Variants in KCNQ3 observed in about 807,000 individuals in gnomAD.
KCNQ3 encodes potassium voltage-gated channel subfamily KQT member 3.
In KCNQ3, 30 loss-of-function variants were observed where a neutral mutation model predicts 92.5. That is an observed-to-expected ratio of 0.32 (90% CI 0.24 to 0.44). The LOEUF (loss-of-function observed/expected upper bound fraction) is 0.44. Ranked by LOEUF, KCNQ3 falls within the 20% of genes least tolerant of loss-of-function variation. The pLI, the probability that KCNQ3 is intolerant of heterozygous loss-of-function variation, is 1.00. For synonymous variants in KCNQ3, 450 were observed against 468.8 expected (o/e 0.96, Z 0.52); for missense variants, 913 against 1,140.3 (o/e 0.80, Z 2.87).
In KCNQ3 at chr8:132,447,530, AAAG is replaced by A. The variant is rs757378700; in HGVS notation, c.386+32614_386+32616del. Reference sequence around the variant, plus strand: ...AAGAAAAGTAATGGAGATTAAAGAAAAAGAAGGAGCAGAGTAGCGGGTGAGCTG... The same window carrying A: ...AAGAAAAGTAATGGAGATTAAAGAAAAAGGAGCAGAGTAGCGGGTGAGCTG... On this transcript the variant is annotated intron_variant, in intron 1 of 14. Coordinates refer to ENST00000388996, the MANE Select transcript of KCNQ3 (RefSeq NM_004519.4). Among the ~76,000 whole-genome samples, 11 of 152,238 alleles carry A rather than the reference AAAG, an allele frequency of 7.2e-5. No individual in the cohort carries two copies. In the East Asian group the frequency reaches 7.7e-4, roughly 11 times the overall value.
Position 132,420,865 on chromosome 8 carries a change from G to A in KCNQ3, c.386+59282C>T, listed in dbSNP as rs528506418. ...AGAGGGCCCCTGGGTTTCTCTCCTC[G>A]ACCTCGGTCACTCCAGCTCCCAGAC... On this transcript the variant is annotated intron_variant, in intron 1 of 14. Coordinates refer to ENST00000388996, the MANE Select transcript of KCNQ3 (RefSeq NM_004519.4). 3.9e-3 allele frequency among the ~76,000 whole-genome samples: 590 copies of A among 152,180 alleles called. 5 individuals are homozygous for A. Among genetic ancestry groups the A allele is most frequent in the Non-Finnish European group, 5.6e-3 (384 of 68,024 alleles).
intron 1 of KCNQ3, among the ~76,000 whole-genome samples, chr8:132,188,628 T>A (rs1827069880): frequency 6.6e-6 from 1 of 152,238 alleles, no homozygotes; most frequent in African/African-American, 2.4e-5. Context: ...ATCATTTTAT[T>A]GCAATTTAAT....
At chr8:132,456,095 G>A (rs1435003801) in intron 1 of KCNQ3, among the ~76,000 whole-genome samples, 1 of 152,124 alleles carries the variant, frequency 6.6e-6, no homozygotes, top group African/African-American at 2.4e-5. Context: ...CTGAGACCCA[G>A]AGAAGTGAAG....
intron 1 of KCNQ3, among the ~76,000 whole-genome samples, chr8:132,255,169 T>G (rs1815544005): frequency 6.6e-6 from 1 of 150,674 alleles, no homozygotes; most frequent in Admixed American, 6.6e-5. Context: ...ACAGTGAAAA[T>G]AAGCAGCCTA....
intron 1 of KCNQ3, among the ~76,000 whole-genome samples, chr8:132,464,994 G>C (rs1477725385): frequency 3.3e-5 from 5 of 152,142 alleles, no homozygotes; most frequent in Non-Finnish European, 7.4e-5. Flanking sequence ...TCCAAGAAAT[G>C]TTTTCCCAGT....
At chr8:132,178,115 A>T (rs1826629577) in intron 4 of KCNQ3, among the ~76,000 whole-genome samples, 1 of 152,246 alleles carries the variant, frequency 6.6e-6, no homozygotes, top group Admixed American at 6.5e-5. Context: ...GTCTAGAGGA[A>T]CACAGGACAA....
intron 1 of KCNQ3, among the ~76,000 whole-genome samples, chr8:132,363,434 G>A (rs568694955): frequency 1.4e-4 from 21 of 152,176 alleles, no homozygotes; most frequent in Non-Finnish European, 2.4e-4. Context: ...AAATGCTACC[G>A]GGCCAGGTGG....
chr8:132,151,176 T>C (rs1366913515), intron 9 of KCNQ3, among the ~76,000 whole-genome samples: 1 of 152,166 alleles, frequency 6.6e-6, no homozygotes. Flanking sequence ...AACCACACCC[T>C]TAGTTATGCT....
chr8:132,142,383 T>C, intron 9 of KCNQ3, among the ~76,000 whole-genome samples: 1 of 152,188 alleles, frequency 6.6e-6, no homozygotes, highest in East Asian at 1.9e-4. Context: ...ACCTTGTCTG[T>C]AAAGTAGGGA....
chr8:132,477,719 CAA>C (rs1822447979), intron 1 of KCNQ3, among the ~76,000 whole-genome samples: 2 of 152,192 alleles, frequency 1.3e-5, no homozygotes, highest in Non-Finnish European at 2.9e-5. Flanking sequence ...GACCAGCCCC[CAA>C]CTTGATTCTA....
chr8:132,331,085 G>A (rs1267658059), intron 1 of KCNQ3, among the ~76,000 whole-genome samples: 1 of 152,184 alleles, frequency 6.6e-6, no homozygotes, highest in Non-Finnish European at 1.5e-5. Context: ...AACAGGAGAA[G>A]CACTATTGCT....
chr8:132,406,850 G>A lies in KCNQ3; in HGVS notation c.386+73297C>T, dbSNP rs574415534. On this transcript the variant is annotated intron_variant, in intron 1 of 14. Transcript: ENST00000388996. ...GGTTCTCAACTTTAGTGGGCTTAAA[G>A]TTCTAAAAAGGTGTGTACAATGGAA... Among the ~76,000 whole-genome samples the A allele has an allele frequency of 2.6e-3, 389 of 152,276 alleles. 1 individual carries two copies. The highest frequency in any genetic ancestry group is 0.014 in the South Asian group (69 of 4,818).
Position 132,413,413 on chromosome 8 carries a change from C to T in KCNQ3, c.386+66734G>A, listed in dbSNP as rs1283275259. Among the ~76,000 whole-genome samples, 6 of 152,228 alleles carry T rather than the reference C, an allele frequency of 3.9e-5. No homozygotes were observed. The East Asian group carries it at 7.7e-4, about 20-fold the overall frequency. ...TCCTCCAGGAAGCCTTCCCTGACTG[C>T]CTCAGGCTGGGTTAAGTCGCCTTTC... On this transcript the variant is annotated intron_variant, in intron 1 of 14. Transcript: ENST00000388996.
chr8:132,281,110 A>C (rs1816498700), intron 1 of KCNQ3, among the ~76,000 whole-genome samples: 1 of 152,136 alleles, frequency 6.6e-6, no homozygotes, highest in Non-Finnish European at 1.5e-5. Flanking sequence ...ATGTGACTTC[A>C]TTTAATAGTC....
At chr8:132,303,704 C>T (rs1334763905) in intron 1 of KCNQ3, among the ~76,000 whole-genome samples, 1 of 132,650 alleles carries the variant, frequency 7.5e-6, no homozygotes, top group African/African-American at 2.9e-5. Flanking sequence ...ACCACACACA[C>T]ACATATATAT....
intron 1 of KCNQ3, among the ~76,000 whole-genome samples, chr8:132,418,622 C>T (rs1289161374): frequency 6.6e-6 from 1 of 152,094 alleles, no homozygotes; most frequent in African/African-American, 2.4e-5. Flanking sequence ...ATCGTCTCTA[C>T]TAAAAATATA....
intron 1 of KCNQ3, among the ~76,000 whole-genome samples, chr8:132,403,826 G>T (rs1045108459): frequency 2.6e-5 from 4 of 152,176 alleles, no homozygotes; most frequent in African/African-American, 9.7e-5. Flanking sequence ...TCACTAGTCT[G>T]GTGGATCCTG....
chr8:132,353,281 G>C (rs1818928812), intron 1 of KCNQ3, among the ~76,000 whole-genome samples: 1 of 152,020 alleles, frequency 6.6e-6, no homozygotes. Flanking sequence ...GCAGACCTGG[G>C]AGGAGGCAGA....
intron 8 of KCNQ3, 44 bp from the exon 9 acceptor site, chr8:132,163,538 A>G (rs1266094693): frequency 1.4e-6 from 2 of 1,481,290 alleles, no homozygotes; most frequent in Non-Finnish European, 1.9e-6. Context: ...AAATTACGTG[A>G]AACAGCTGTA....
Sources: gnomAD v4.1 joint callset for allele counts (sites outside exome capture counted in the v4.1 genomes callset) on GRCh38, gnomAD v4.1.1 for gene constraint, MANE v1.5 for transcripts, NCBI Gene and HGNC (gene_info 2026-07-23, HGNC 2026-07-21) for gene names.